The following COL25A1 variants were observed in gnomAD, a reference collection of about 807,000 sequenced individuals.
COL25A1 encodes collagen alpha-1(XXV) chain.
A neutral mutation model predicts 128.4 loss-of-function variants in COL25A1; 103 were observed. The ratio of observed to expected loss-of-function variants is 0.80; its 90% confidence interval spans 0.68 to 0.94. COL25A1 has a LOEUF of 0.94. Among genes scored for constraint, COL25A1 ranks in the 40% least tolerant of loss-of-function variants. The pLI is 0.00. For synonymous variants in COL25A1, 279 were observed against 277.2 expected, an observed-to-expected ratio of 1.01 and a Z score of -0.06; for missense variants, 745 against 840.0, an observed-to-expected ratio of 0.89 and a Z score of 1.40.
intron 3 of COL25A1, among the ~76,000 whole-genome samples, chr4:109,087,717 C>T (rs1175606524): frequency 6.6e-6 from 1 of 152,124 alleles, no homozygotes; most frequent in East Asian, 1.9e-4. Context: ...TAAATATAGA[C>T]ATTCAAATAC....
intron 3 of COL25A1, among the ~76,000 whole-genome samples, chr4:109,089,308 C>G (rs1274021048): frequency 6.6e-6 from 1 of 152,172 alleles, no homozygotes; most frequent in African/African-American, 2.4e-5. Flanking sequence ...CAGGTCAGTT[C>G]AATCTCTCAT....
intron 10 of COL25A1, among the ~76,000 whole-genome samples, chr4:108,938,316 CATT>C (rs769481706): frequency 5.9e-5 from 9 of 152,116 alleles, no homozygotes; most frequent in African/African-American, 1.2e-4. Flanking sequence ...ATTTTATTGT[CATT>C]ATAATGACAG....
chr4:109,055,375 C>CT (rs1761364557), intron 3 of COL25A1, among the ~76,000 whole-genome samples: 1 of 152,156 alleles, frequency 6.6e-6, no homozygotes, highest in East Asian at 1.9e-4. Flanking sequence ...ACCTCCATGA[C>CT]TAAAACAAGT....
At chr4:108,901,482 TA>T (rs1394982687) in intron 13 of COL25A1, among the ~76,000 whole-genome samples, 1 of 152,028 alleles carries the variant, frequency 6.6e-6, no homozygotes, top group Admixed American at 6.6e-5. Context: ...TCTGAATGAG[TA>T]AAAGACAACT....
At chr4:108,919,146 T>G (rs1745202952) in intron 12 of COL25A1, among the ~76,000 whole-genome samples, 1 of 152,186 alleles carries the variant, frequency 6.6e-6, no homozygotes, top group African/African-American at 2.4e-5. Flanking sequence ...TTAAAATCTG[T>G]AATTATAGAC....
chr4:109,050,115 C>G lies in COL25A1; in HGVS notation c.412+20G>C, dbSNP rs765662620. On this transcript the variant is annotated intron_variant, in intron 4 of 37. Transcript: ENST00000399132. ...TAACCAGAACATGAGTGACACAGAG[C>G]AGCTGAAAGAGAGACTTACCAGATT... 5.0e-6 allele frequency: 8 copies of G among 1,603,428 alleles called. No individual in the cohort carries two copies. Among genetic ancestry groups the G allele is most frequent in the Non-Finnish European group, 6.8e-6 (8 of 1,172,518 alleles).
intron 19 of COL25A1, among the ~76,000 whole-genome samples, chr4:108,877,130 A>G (rs1739540624): frequency 6.6e-6 from 1 of 152,228 alleles, no homozygotes; most frequent in African/African-American, 2.4e-5. Context: ...TGCTAATTTG[A>G]ACAAAAGATT....
At chr4:109,165,320 G>A (rs1242110354) in intron 3 of COL25A1, among the ~76,000 whole-genome samples, 4 of 151,946 alleles carry the variant, frequency 2.6e-5, no homozygotes, top group South Asian at 2.1e-4. Flanking sequence ...ATCAGTTATC[G>A]GGGTCATCTC....
At position 109,198,682 on chromosome 4, in the gene COL25A1, T is replaced by C. The variant is rs544470975; in HGVS notation, c.367+101901A>G. Among the ~76,000 whole-genome samples the C allele has an allele frequency of 3.9e-5, 6 of 152,334 alleles. 1 individual carries two copies. The South Asian group carries it at 1.2e-3, about 32-fold the overall frequency. ...CAGCAAAGTGTTAATGAAAAATCTGTTTCAGCTGTGATGAGAAAAATATTT... is the reference window on the plus strand; with the variant it reads ...CAGCAAAGTGTTAATGAAAAATCTGCTTCAGCTGTGATGAGAAAAATATTT... On this transcript the variant is annotated intron_variant, in intron 3 of 37. Transcript: ENST00000399132.
In COL25A1 at chr4:109,215,570, ATTCTG is replaced by A. The variant is rs563818004; in HGVS notation, c.367+85008_367+85012del. ...TCTTTAAAACAACTAATTAGACTATATTCTGTTATTTTGCCTTGAGATCAGGAGGA... is the reference window on the plus strand; with the variant it reads ...TCTTTAAAACAACTAATTAGACTATATTATTTTGCCTTGAGATCAGGAGGA... On this transcript the variant is annotated intron_variant, in intron 3 of 37. Coordinates refer to ENST00000399132, the MANE Select transcript of COL25A1 (RefSeq NM_198721.4). Among the ~76,000 whole-genome samples, 470 of 152,288 alleles carry A rather than the reference ATTCTG, an allele frequency of 3.1e-3. 1 individual carries two copies. The highest frequency in any genetic ancestry group is 0.011 in the African/African-American group (448 of 41,570).
intron 30 of COL25A1, among the ~76,000 whole-genome samples, chr4:108,843,009 G>A (rs1331588101): frequency 6.6e-6 from 1 of 151,638 alleles, no homozygotes; most frequent in African/African-American, 2.4e-5. Context: ...ACTGGGCGTG[G>A]TTGGTGGCAT....
At chr4:109,225,297 CA>C (rs1778729557) in intron 3 of COL25A1, among the ~76,000 whole-genome samples, 1 of 152,070 alleles carries the variant, frequency 6.6e-6, no homozygotes, top group South Asian at 2.1e-4. Flanking sequence ...CAAATAACTC[CA>C]TTAAAAAGTG....
At chr4:109,157,808 C>T (rs114903350) in intron 3 of COL25A1, among the ~76,000 whole-genome samples, 53 of 152,320 alleles carry the variant, frequency 3.5e-4, no homozygotes, top group African/African-American at 1.2e-3. Context: ...GGGGAGCAGT[C>T]GCTGAAACGA....
At chr4:109,017,960 T>C (rs1046999443) in intron 5 of COL25A1, among the ~76,000 whole-genome samples, 8 of 152,200 alleles carry the variant, frequency 5.3e-5, no homozygotes, top group African/African-American at 1.9e-4. Context: ...TTCCTTGCCA[T>C]CTAAAACAAT....
chr4:109,069,004 A>C (rs537714325), intron 3 of COL25A1, among the ~76,000 whole-genome samples: 1 of 152,250 alleles, frequency 6.6e-6, no homozygotes, highest in African/African-American at 2.4e-5. Flanking sequence ...GTGAGATATG[A>C]ATAGCACAGG....
rs569176785 is a variant in COL25A1, at chr4:109,031,435, A to T, written c.420+16733T>A. ...CAGGCCATGTTACAATACTTTTTTT[A>T]AAAAAAAAGAATTTACGCAAATCAC... On this transcript the variant is annotated intron_variant, in intron 5 of 37. Transcript: ENST00000399132. Among the ~76,000 whole-genome samples, 162 of 151,790 alleles carry T rather than the reference A, an allele frequency of 1.1e-3. No individual in the cohort carries two copies. The Middle Eastern group carries it at 0.017, about 16-fold the overall frequency.
At chr4:108,886,664 T>G (rs1416605707) in intron 18 of COL25A1, among the ~76,000 whole-genome samples, 1 of 152,160 alleles carries the variant, frequency 6.6e-6, no homozygotes, top group Non-Finnish European at 1.5e-5. Flanking sequence ...AATTTGGGGA[T>G]GCACAACCCA....
intron 8 of COL25A1, among the ~76,000 whole-genome samples, chr4:108,957,534 A>T (rs376267367): frequency 2.6e-5 from 4 of 152,214 alleles, no homozygotes; most frequent in Admixed American, 6.5e-5. Flanking sequence ...AATGTATAGG[A>T]AGTAGAAAAC....
At chr4:109,176,895 G>A (rs939438192) in intron 3 of COL25A1, among the ~76,000 whole-genome samples, 1 of 152,142 alleles carries the variant, frequency 6.6e-6, no homozygotes, top group Non-Finnish European at 1.5e-5. Flanking sequence ...GAAAACCCAA[G>A]GCCAGATCTC....
Sources: allele counts gnomAD v4.1 joint callset (sites outside exome capture counted in the v4.1 genomes callset), GRCh38; gene constraint gnomAD v4.1.1; transcripts MANE v1.5; gene names NCBI Gene and HGNC (gene_info 2026-07-23, HGNC 2026-07-21).